CREB5: variants seen among roughly 807,000 people sequenced by gnomAD.
CREB5 encodes the protein cAMP responsive element binding protein 5.
In CREB5, 19 loss-of-function variants were observed where a neutral mutation model predicts 57.1. The observed-to-expected ratio is 0.33, with a 90% CI of 0.23 to 0.49. The LOEUF (loss-of-function observed/expected upper bound fraction) is 0.49, where lower values mean the gene tolerates loss of function less well. Ranked by LOEUF, CREB5 falls within the 20% of genes least tolerant of loss-of-function variation. The pLI, the probability that CREB5 is intolerant of heterozygous loss-of-function variation, is 0.99. For synonymous variants in CREB5, 238 were observed against 238.3 expected, an observed-to-expected ratio of 1.00 and a Z score of 0.01; for missense variants, 579 against 671.6, an observed-to-expected ratio of 0.86 and a Z score of 1.52.
At chr7:28,645,230 T>G (rs952181842) in intron 5 of CREB5, among the ~76,000 whole-genome samples, 3 of 152,240 alleles carry the variant, frequency 2.0e-5, no homozygotes, top group Non-Finnish European at 2.9e-5. Context: ...TGTGGGTCCC[T>G]TTATATGATA....
At chr7:28,692,766 C>A (rs1801340102) in intron 5 of CREB5, among the ~76,000 whole-genome samples, 1 of 151,698 alleles carries the variant, frequency 6.6e-6, no homozygotes, top group South Asian at 2.1e-4. Context: ...AACTCCATCT[C>A]AAAAAAAACA....
intron 5 of CREB5, among the ~76,000 whole-genome samples, chr7:28,691,478 T>C (rs1801256168): frequency 6.6e-6 from 1 of 151,662 alleles, no homozygotes; most frequent in Admixed American, 6.6e-5. Context: ...GTTATTCTTA[T>C]CTTTAGTTGG....
At position 28,822,739 on chromosome 7, in the gene CREB5, C is replaced by T. The variant is rs2128811645; in HGVS notation, c.*3460C>T. 1 of 152,694 alleles carries T rather than the reference C, an allele frequency of 6.5e-6. No individual in the cohort carries two copies. Among genetic ancestry groups the T allele is most frequent in the Non-Finnish European group, 1.5e-5 (1 of 68,034 alleles). The allele number at this position is 152,694 out of a possible 1,614,324, so 9.5% of individuals were successfully genotyped here. A position where few individuals can be genotyped will look rare whatever the true frequency, so the allele number is the denominator to read the frequency against. On this transcript the variant is annotated 3_prime_UTR_variant, in exon 11 of 11. Coordinates refer to ENST00000357727, the MANE Select transcript of CREB5 (RefSeq NM_182898.4). ...AGGTGTCCACATCTTAATTGTTTCT[C>T]CTTGACACATTTCTCAATCCACGAA...
intron 5 of CREB5, among the ~76,000 whole-genome samples, chr7:28,585,898 T>A (rs981215330): frequency 6.6e-6 from 1 of 152,214 alleles, no homozygotes; most frequent in African/African-American, 2.4e-5. Flanking sequence ...TTTGAAAATT[T>A]AATACTTTCA....
chr7:28,362,096 C>T (rs558028858), intron 1 of CREB5, among the ~76,000 whole-genome samples: 1 of 152,256 alleles, frequency 6.6e-6, no homozygotes, highest in East Asian at 1.9e-4. Context: ...AGCAAATTCT[C>T]AGAAGTACAT....
chr7:28,364,061 T>C (rs532375555), intron 1 of CREB5, among the ~76,000 whole-genome samples: 1 of 152,304 alleles, frequency 6.6e-6, no homozygotes, highest in South Asian at 2.1e-4. Context: ...TAAGTAAACA[T>C]TTACCTAATT....
chr7:28,567,471 G>T (rs868788560), intron 4 of CREB5, among the ~76,000 whole-genome samples: 11 of 152,194 alleles, frequency 7.2e-5, no homozygotes, highest in Non-Finnish European at 1.6e-4. Flanking sequence ...TGATATATCA[G>T]GCACTAAGCT....
chr7:28,795,963 C>T (rs1166949768), intron 7 of CREB5, among the ~76,000 whole-genome samples: 7 of 151,878 alleles, frequency 4.6e-5, no homozygotes, highest in Non-Finnish European at 8.8e-5. Context: ...TATGTTGACC[C>T]GCTAGTCTCA....
At chr7:28,754,340 T>A (rs1329601770) in intron 7 of CREB5, among the ~76,000 whole-genome samples, 1 of 152,204 alleles carries the variant, frequency 6.6e-6, no homozygotes, top group Non-Finnish European at 1.5e-5. Context: ...TCATGAATAA[T>A]TCAAGTGTTC....
At chr7:28,624,968 A>G (rs1198850331) in intron 5 of CREB5, among the ~76,000 whole-genome samples, 1 of 151,826 alleles carries the variant, frequency 6.6e-6, no homozygotes, top group Non-Finnish European at 1.5e-5. Context: ...CCCATCAGCA[A>G]AATTGGTACA....
At position 28,306,564 on chromosome 7, in the gene CREB5, T is replaced by G. The variant is rs867313986; in HGVS notation, c.-25+7123T>G. On this transcript the variant is annotated intron_variant, in intron 1 of 9. Transcript: ENST00000396299. ...CAGTTTTGTTTTTTTTGTTTTTTTTTTTTTTTTTTTTTTTGAGACGGAGTC... is the reference window on the plus strand; with the variant it reads ...CAGTTTTGTTTTTTTTGTTTTTTTTGTTTTTTTTTTTTTTGAGACGGAGTC... Among the ~76,000 whole-genome samples, 113 of 126,330 alleles carry G rather than the reference T, an allele frequency of 8.9e-4. 3 individuals are homozygous for G. The highest frequency in any genetic ancestry group is 1.8e-3 in the African/African-American group (65 of 35,776). 82.9% of individuals were successfully genotyped at this position (126,330 alleles called of 152,430 possible). A position where few individuals can be genotyped will look rare whatever the true frequency, so the allele number is the denominator to read the frequency against.
chr7:28,463,731 A>T (rs1162449104), intron 1 of CREB5, among the ~76,000 whole-genome samples: 1 of 152,142 alleles, frequency 6.6e-6, no homozygotes, highest in South Asian at 2.1e-4. Context: ...TTGCTGGTGT[A>T]TAGAAACACA....
intron 1 of CREB5, among the ~76,000 whole-genome samples, chr7:28,314,250 C>T: frequency 6.6e-6 from 1 of 152,160 alleles, no homozygotes. Context: ...GCACAACAGT[C>T]CTGTTAAACC....
At chr7:28,312,265 T>A (rs1001245385) in intron 1 of CREB5, among the ~76,000 whole-genome samples, 1 of 152,030 alleles carries the variant, frequency 6.6e-6, no homozygotes, top group Non-Finnish European at 1.5e-5. Flanking sequence ...GGCCCTCATA[T>A]CACAACCCAA....
chr7:28,395,619 T>C (rs1026731694), intron 1 of CREB5, among the ~76,000 whole-genome samples: 8 of 152,160 alleles, frequency 5.3e-5, no homozygotes, highest in East Asian at 1.9e-4. Context: ...GTTTACATTG[T>C]GTACTACATG....
chr7:28,406,493 G>C (rs1413104164), intron 1 of CREB5, among the ~76,000 whole-genome samples: 6 of 152,228 alleles, frequency 3.9e-5, no homozygotes, highest in African/African-American at 1.4e-4. Context: ...TGAGCATCGG[G>C]AGAATCTTGG....
At chr7:28,719,479 G>A (rs868360853) in intron 6 of CREB5, among the ~76,000 whole-genome samples, 4 of 152,318 alleles carry the variant, frequency 2.6e-5, no homozygotes, top group Middle Eastern at 6.8e-3. Context: ...AACTTGCTCA[G>A]CTGAGAAGCA....
chr7:28,337,276 A>G (rs1275324684), intron 1 of CREB5, among the ~76,000 whole-genome samples: 1 of 152,024 alleles, frequency 6.6e-6, no homozygotes, highest in Non-Finnish European at 1.5e-5. Context: ...GATCTATCTA[A>G]TGTTGAAAGC....
chr7:28,506,781 T>C (rs1434204762), intron 3 of CREB5, among the ~76,000 whole-genome samples: 1 of 152,246 alleles, frequency 6.6e-6, no homozygotes, highest in Admixed American at 6.5e-5. Flanking sequence ...ACTTACCTTC[T>C]ATTTAATGGA....
Sources: allele counts gnomAD v4.1 joint callset (sites outside exome capture counted in the v4.1 genomes callset), GRCh38; gene constraint gnomAD v4.1.1; transcripts MANE v1.5; gene names NCBI Gene and HGNC (gene_info 2026-07-23, HGNC 2026-07-21).